C2orf72: variants seen among roughly 807,000 people sequenced by gnomAD.
C2orf72 encodes the protein chromosome 2 open reading frame 72.
Under a neutral mutation model 14.4 loss-of-function variants are expected in C2orf72, and 16 were observed. The observed-to-expected ratio is 1.11, with a 90% CI of 0.75 to 1.69. The LOEUF (loss-of-function observed/expected upper bound fraction) is 1.69, where lower values mean the gene tolerates loss of function less well. Among genes scored for constraint, C2orf72 ranks in the 40% most tolerant of loss-of-function variants. The probability of loss-of-function intolerance (pLI) is 0.00; values close to 1 mark genes in which losing one functional copy is unlikely to be tolerated. For missense variants in C2orf72, 371 were observed against 358.3 expected, an observed-to-expected ratio of 1.04 and a Z score of -0.29; for synonymous variants, 168 against 176.8, an observed-to-expected ratio of 0.95 and a Z score of 0.40.
intron 2 of C2orf72, among the ~76,000 whole-genome samples, chr2:231,043,089 T>C (rs1156480338): frequency 6.6e-6 from 1 of 152,254 alleles, no homozygotes; most frequent in Non-Finnish European, 1.5e-5. Context: ...GGCTGTCAGC[T>C]GGGGCTGCTC....
chr2:231,044,962 T>TACACACACAC (rs1553555593), intron 2 of C2orf72, among the ~76,000 whole-genome samples: 1 of 146,426 alleles, frequency 6.8e-6, no homozygotes, highest in African/African-American at 2.5e-5. Context: ...TATATATATA[T>TACACACACAC]ACACACACAC....
chr2:231,044,664 T>A (rs1394231701), intron 2 of C2orf72, among the ~76,000 whole-genome samples: 1 of 138,138 alleles, frequency 7.2e-6, no homozygotes, highest in African/African-American at 3.0e-5. Flanking sequence ...TTTCCTATTT[T>A]AATTTTTTTT....
intron 2 of C2orf72, 148 bp downstream of exon 2, chr2:231,041,557 G>A: frequency 1.6e-6 from 1 of 606,480 alleles, no homozygotes; most frequent in Non-Finnish European, 2.8e-6. Flanking sequence ...AGCAATGTGA[G>A]GTGCCCATAT....
chr2:231,046,961 G>C lies in C2orf72; in HGVS notation c.828G>C (p.Gly276=). 6.4e-7 allele frequency: 1 copy of C among 1,551,658 alleles called. No individual in the cohort carries two copies. Among genetic ancestry groups the C allele is most frequent in the Non-Finnish European group, 8.7e-7 (1 of 1,146,998 alleles). ...PNGDCDDLGR[G]SKACDGVVHT... is the part of the protein sequence containing the mutation. ...GAGACTGTGATGACCTTGGAAGGGG[G>C]TCAAAAGCCTGTGATGGAGTCGTAC... Residue 276 remains glycine, a synonymous_variant, in exon 3 of 3, where the codon GGG becomes GGC. Transcript: ENST00000373640.
In C2orf72 at chr2:231,048,561, T is replaced by G. The variant is rs1251299457; in HGVS notation, c.*1540T>G. 1.3e-5 allele frequency: 2 copies of G among 152,516 alleles called. No homozygotes were observed. Among genetic ancestry groups the G allele is most frequent in the Non-Finnish European group, 2.9e-5 (2 of 68,258 alleles). 9.4% of individuals were successfully genotyped at this position (152,516 alleles called of 1,614,324 possible). On this transcript the variant is annotated 3_prime_UTR_variant, in exon 3 of 3. Transcript: ENST00000373640. ...CACCTTTAGCCTCTGCCCCCAGTTC[T>G]GGTCTGACCCAACAGAGGGGCTCTA...
chr2:231,039,493 T>C (rs1009058208), intron 1 of C2orf72, among the ~76,000 whole-genome samples: 1 of 151,922 alleles, frequency 6.6e-6, no homozygotes, highest in Admixed American at 6.6e-5. Context: ...TCCTGGAGTA[T>C]TGGCGTTGGT....
intron 2 of C2orf72, among the ~76,000 whole-genome samples, chr2:231,045,571 G>A (rs1693405153): frequency 8.1e-6 from 1 of 123,036 alleles, no homozygotes; most frequent in Admixed American, 1.1e-4. Context: ...AGGCTGCACT[G>A]TGCAGTGGCA....
intron 1 of C2orf72, 62 bp downstream of exon 1, chr2:231,038,261 T>G: frequency 1.8e-6 from 2 of 1,131,522 alleles, no homozygotes; most frequent in Non-Finnish European, 2.2e-6. Context: ...GTCCCCCAAG[T>G]TGGACCCCTT....
chr2:231,037,612 C>A lies in C2orf72; in HGVS notation c.47C>A (p.Ala16Asp). ...CTGGCGGCCCGGCTTGCGCGCCCTG[C>A]CGAGCCGCCCTTCCAGGCGTTGGTG... ...EALAARLARP[A>D]EPPFQALVEA... Residue 16 changes from alanine (A) to aspartate (D), a missense_variant, in exon 1 of 3, where the codon GCC becomes GAC. Physicochemically the swap from Ala to Asp is moderately radical, Grantham distance 126. This residue lies in a region of C2orf72 where 214 missense variants were observed against 178.7 expected (regional missense o/e 1.20). Coordinates refer to ENST00000373640, the MANE Select transcript of C2orf72 (RefSeq NM_001144994.2). 1.8e-6 allele frequency: 2 copies of A among 1,097,918 alleles called. No individual in the cohort carries two copies. Among genetic ancestry groups the A allele is most frequent in the Non-Finnish European group, 2.2e-6 (2 of 900,090 alleles). 68.0% of individuals were successfully genotyped at this position (1,097,918 alleles called of 1,614,324 possible). A position where few individuals can be genotyped will look rare whatever the true frequency, so the allele number is the denominator to read the frequency against.
At chr2:231,046,840 C>T in intron 2 of C2orf72, 42 bp from the exon 3 acceptor site, 4 of 1,520,994 alleles carry the variant, frequency 2.6e-6, no homozygotes, top group South Asian at 2.5e-5. Context: ...TCACTCACAA[C>T]CTTTCTCTTC....
intron 1 of C2orf72, 134 bp from the exon 2 acceptor site, chr2:231,041,162 C>G: frequency 1.7e-6 from 1 of 605,092 alleles, no homozygotes; most frequent in South Asian, 2.5e-5. Flanking sequence ...GCAAATCAGA[C>G]TCTGTGTTTT....
In C2orf72 at chr2:231,047,415, C is replaced by A; in HGVS notation, c.*394C>A. On this transcript the variant is annotated 3_prime_UTR_variant, in exon 3 of 3. Coordinates refer to ENST00000373640, the MANE Select transcript of C2orf72 (RefSeq NM_001144994.2). ...GAGTGCAGCTGGGAAGAACTCTGAA[C>A]CAGAAGTCATCAGAGCTGAGGCATG... 5.6e-6 allele frequency: 2 copies of A among 355,980 alleles called. No homozygotes were observed. Among genetic ancestry groups the A allele is most frequent in the Non-Finnish European group, 1.1e-5 (2 of 180,144 alleles). The allele number at this position is 355,980 out of a possible 1,614,324, so 22.1% of individuals were successfully genotyped here.
chr2:231,044,970 C>A (rs1035825138), intron 2 of C2orf72, among the ~76,000 whole-genome samples: 3 of 126,756 alleles, frequency 2.4e-5, no homozygotes, highest in Non-Finnish European at 3.5e-5. Flanking sequence ...TATACACACA[C>A]ACACACATAT....
chr2:231,042,113 C>T (rs1212842198), intron 2 of C2orf72, among the ~76,000 whole-genome samples: 2 of 152,004 alleles, frequency 1.3e-5, no homozygotes, highest in East Asian at 1.9e-4. Context: ...GGCCTGGGCC[C>T]GACCTGGGCA....
In C2orf72 at chr2:231,037,831, C is replaced by T. The variant is rs1394723174; in HGVS notation, c.266C>T (p.Ala89Val). The T allele has an allele frequency of 8.2e-6, 8 of 978,166 alleles. No individual in the cohort carries two copies. In the East Asian group the frequency reaches 7.0e-4, roughly 85 times the overall value. 60.6% of individuals were successfully genotyped at this position (978,166 alleles called of 1,614,324 possible). Residue 89 changes from alanine to valine, a missense_variant, in exon 1 of 3, where the codon GCT (alanine) becomes GTT (valine). By Grantham distance (64) the Ala-to-Val change is moderately conservative. Transcript: ENST00000373640. ...GGGGCGCAGAGGGCGGCGAGGGCGG[C>T]TGGGGCGGCGGGGGCGGCGGCGGCG... ...ARGAQRAARA[A>V]GAAGAAAAAA... is the part of the protein sequence containing the mutation.
At chr2:231,043,575 A>C (rs2125137761) in intron 2 of C2orf72, among the ~76,000 whole-genome samples, 1 of 152,336 alleles carries the variant, frequency 6.6e-6, no homozygotes, top group East Asian at 1.9e-4. Flanking sequence ...AGATATTTAA[A>C]ATGTTTAATT....
chr2:231,045,018 T>C (rs1452635906), intron 2 of C2orf72, among the ~76,000 whole-genome samples: 2 of 150,492 alleles, frequency 1.3e-5, no homozygotes, highest in Non-Finnish European at 2.9e-5. Context: ...TGTTAAAACA[T>C]ATAGTAGGCC....
chr2:231,039,946 T>C (rs1454633373), intron 1 of C2orf72, among the ~76,000 whole-genome samples: 1 of 152,160 alleles, frequency 6.6e-6, no homozygotes, highest in Non-Finnish European at 1.5e-5. Flanking sequence ...TTTCGCCATA[T>C]TGACCAGGCT....
intron 1 of C2orf72, among the ~76,000 whole-genome samples, chr2:231,039,998 C>T (rs1693318881): frequency 6.6e-6 from 1 of 152,138 alleles, no homozygotes; most frequent in Non-Finnish European, 1.5e-5. Flanking sequence ...CCACTTTGGC[C>T]TCCCAAAGTG....
Sources: allele counts gnomAD v4.1 joint callset (sites outside exome capture counted in the v4.1 genomes callset), GRCh38; gene constraint gnomAD v4.1.1; regional missense constraint gnomAD v4.1.1; transcripts MANE v1.5; gene names NCBI Gene and HGNC (gene_info 2026-07-23, HGNC 2026-07-21).